DNAJB6: variants seen among roughly 807,000 people sequenced by gnomAD.
DNAJB6 encodes the protein dnaJ homolog subfamily B member 6.
In DNAJB6, 16 loss-of-function variants were observed where a neutral mutation model predicts 42.7. The observed-to-expected ratio is 0.37, with a 90% CI of 0.25 to 0.57. The LOEUF (loss-of-function observed/expected upper bound fraction) is 0.57. DNAJB6 is among the 20% of genes least tolerant of loss of function. DNAJB6 has a pLI of 0.74. For missense variants in DNAJB6, 347 were observed against 416.8 expected, an observed-to-expected ratio of 0.83 and a Z score of 1.46; for synonymous variants, 170 against 163.5, an observed-to-expected ratio of 1.04 and a Z score of -0.30.
chr7:157,347,614 C>T (rs558767665), intron 1 of DNAJB6, among the ~76,000 whole-genome samples: 45 of 152,312 alleles, frequency 3.0e-4, no homozygotes, highest in Admixed American at 1.7e-3. Context: ...TGATGGAATA[C>T]GTACCTGTAA....
chr7:157,357,840 G>A (rs1799387271), intron 1 of DNAJB6, among the ~76,000 whole-genome samples: 1 of 152,192 alleles, frequency 6.6e-6, no homozygotes, highest in South Asian at 2.1e-4. Context: ...GGGGAACTTA[G>A]AGAATGAATC....
intron 6 of DNAJB6, 106 bp from the exon 7 acceptor site, chr7:157,384,761 C>A (rs1800968660): frequency 8.7e-7 from 1 of 1,148,334 alleles, no homozygotes; most frequent in Non-Finnish European, 1.3e-6. Flanking sequence ...CTCCTCGGTT[C>A]TATGCCTTAA....
At chr7:157,350,809 C>T (rs144536401) in intron 1 of DNAJB6, among the ~76,000 whole-genome samples, 19 of 152,098 alleles carry the variant, frequency 1.2e-4, no homozygotes, top group African/African-American at 4.3e-4. Context: ...CCTGCCTCAG[C>T]CTCCCGAGTC....
chr7:157,406,837 C>T (rs1471029439), intron 8 of DNAJB6, among the ~76,000 whole-genome samples: 4 of 152,214 alleles, frequency 2.6e-5, no homozygotes, highest in Non-Finnish European at 4.4e-5. Flanking sequence ...TAAGTCTCAG[C>T]GGGGCCTTTT....
At chr7:157,400,398 G>A (rs377405439) in intron 8 of DNAJB6, among the ~76,000 whole-genome samples, 3 of 69,630 alleles carry the variant, frequency 4.3e-5, no homozygotes, top group East Asian at 8.8e-4. Context: ...TGCTTGCTGT[G>A]CAGCAGGCCG....
At chr7:157,412,504 AAC>A (rs1796008304) in intron 9 of DNAJB6, 1 of 152,224 alleles carries the variant, frequency 6.6e-6, no homozygotes, top group South Asian at 2.1e-4. Flanking sequence ...TTGTAGCGAT[AAC>A]ACAGGCTCCT....
At chr7:157,390,833 T>G (rs1801305182) in intron 8 of DNAJB6, among the ~76,000 whole-genome samples, 1 of 152,120 alleles carries the variant, frequency 6.6e-6, no homozygotes, top group Non-Finnish European at 1.5e-5. Flanking sequence ...CTTTATATTA[T>G]TTTATATTTT....
At chr7:157,350,076 T>C (rs1193534682) in intron 1 of DNAJB6, among the ~76,000 whole-genome samples, 1 of 152,196 alleles carries the variant, frequency 6.6e-6, no homozygotes, top group Non-Finnish European at 1.5e-5. Context: ...GCATGAACCA[T>C]TGCATCCTGC....
At chr7:157,381,432 A>G (rs1192316569) in intron 5 of DNAJB6, 1 of 152,144 alleles carries the variant, frequency 6.6e-6, no homozygotes, top group Non-Finnish European at 1.5e-5. Context: ...AAAGGTTTGT[A>G]TGCTTTATGA....
At chr7:157,378,785 A>G (rs1800602897) in intron 5 of DNAJB6, 1 of 152,214 alleles carries the variant, frequency 6.6e-6, no homozygotes, top group Admixed American at 6.5e-5. Flanking sequence ...ACATACTTCT[A>G]GATTGCTTTT....
chr7:157,343,871 G>A (rs760136745), intron 1 of DNAJB6, among the ~76,000 whole-genome samples: 5 of 151,928 alleles, frequency 3.3e-5, no homozygotes, highest in Admixed American at 2.0e-4. Flanking sequence ...GAGATTTTTC[G>A]TTTTTTTAAA....
intron 6 of DNAJB6, among the ~76,000 whole-genome samples, chr7:157,384,206 A>G (rs1800934762): frequency 6.6e-6 from 1 of 152,236 alleles, no homozygotes; most frequent in South Asian, 2.1e-4. Flanking sequence ...TAATATCCAT[A>G]ATGTATAATT....
chr7:157,370,855 G>C (rs1283390968), intron 5 of DNAJB6: 1 of 152,656 alleles, frequency 6.6e-6, no homozygotes, highest in Admixed American at 6.5e-5. Context: ...TAGTCACTGA[G>C]CAGCCTGCTG....
At chr7:157,387,948 C>G (rs1302786220) in intron 8 of DNAJB6, among the ~76,000 whole-genome samples, 1 of 152,066 alleles carries the variant, frequency 6.6e-6, no homozygotes, top group Non-Finnish European at 1.5e-5. Context: ...CGGGTTCAAG[C>G]AGTTCTCCTG....
intron 1 of DNAJB6, among the ~76,000 whole-genome samples, chr7:157,347,624 A>G (rs1254531062): frequency 6.6e-6 from 1 of 152,216 alleles, no homozygotes. Flanking sequence ...CGTACCTGTA[A>G]GAATGTGTGA....
In DNAJB6 at chr7:157,409,935, G is replaced by C. The variant is rs886043886; in HGVS notation, c.832G>C (p.Glu278Gln). 5.5e-5 allele frequency: 85 copies of C among 1,536,490 alleles called. No homozygotes were observed. Among genetic ancestry groups the C allele is most frequent in the Non-Finnish European group, 7.0e-5 (80 of 1,145,912 alleles). ...GAGACACGCGCCTCACTGTCTCTCTGAGGAGGAGGGCGAGCAGGACCGACC... is the reference window on the plus strand; with the variant it reads ...GAGACACGCGCCTCACTGTCTCTCTCAGGAGGAGGGCGAGCAGGACCGACC... ...LLRHAPHCLS[E>Q]EEGEQDRPRA... The change falls in exon 9 of 10, where the codon GAG becomes CAG. Residue 278 changes from glutamate to glutamine, a missense_variant. By Grantham distance (29) the Glu-to-Gln change is conservative (BLOSUM62 2). This residue lies in a region of DNAJB6 where 264 missense variants were observed against 288.0 expected (regional missense o/e 0.92). Coordinates refer to ENST00000262177, the MANE Select transcript of DNAJB6 (RefSeq NM_058246.4).
chr7:157,362,484 C>T (rs1328630806), intron 2 of DNAJB6, among the ~76,000 whole-genome samples: 1 of 151,884 alleles, frequency 6.6e-6, no homozygotes, highest in African/African-American at 2.4e-5. Flanking sequence ...CAGTGATTCT[C>T]CTGCCGCAGC....
chr7:157,394,770 T>C (rs1801504095), intron 8 of DNAJB6, among the ~76,000 whole-genome samples: 1 of 151,890 alleles, frequency 6.6e-6, no homozygotes, highest in Non-Finnish European at 1.5e-5. Flanking sequence ...CAAGAGCAGA[T>C]TTTGTCCCCG....
intron 8 of DNAJB6, among the ~76,000 whole-genome samples, chr7:157,391,189 G>A (rs1801323520): frequency 6.6e-6 from 1 of 152,206 alleles, no homozygotes; most frequent in Non-Finnish European, 1.5e-5. Context: ...AGCAGTTGGA[G>A]CAGAAGCTCG....
Sources: allele counts gnomAD v4.1 joint callset (sites outside exome capture counted in the v4.1 genomes callset), GRCh38; gene constraint gnomAD v4.1.1; regional missense constraint gnomAD v4.1.1; transcripts MANE v1.5; gene names NCBI Gene and HGNC (gene_info 2026-07-23, HGNC 2026-07-21).